The following KBTBD3 variants were observed in gnomAD, a reference collection of about 807,000 sequenced individuals.
KBTBD3 encodes kelch repeat and BTB domain containing 3.
KBTBD3 carries 38 observed loss-of-function variants against 49.6 expected under a neutral mutation model. That is an observed-to-expected ratio of 0.77 (90% CI 0.59 to 1.00). The LOEUF is 1.00. Among genes scored for constraint, KBTBD3 ranks in the 50% least tolerant of loss-of-function variants. The pLI is 0.00. For missense variants in KBTBD3, 661 were observed against 712.0 expected, an observed-to-expected ratio of 0.93 and a Z score of 0.81; for synonymous variants, 214 against 250.4, an observed-to-expected ratio of 0.85 and a Z score of 1.37.
chr11:106,061,476 C>T lies in KBTBD3; in HGVS notation c.-12-2367G>A, dbSNP rs147239429. ...CAGAGTGCCCACATTTTTGGTTAAA[C>T]ATTACTTCTGGGTATGTCTGTGAGA... is the stretch of plus-strand genomic sequence containing the variant. On this transcript the variant is annotated intron_variant, in intron 2 of 3. Coordinates refer to ENST00000531837, the MANE Select transcript of KBTBD3 (RefSeq NM_198439.3). Among the ~76,000 whole-genome samples the T allele has an allele frequency of 3.0e-3, 459 of 152,324 alleles. 1 individual carries two copies. The highest frequency in any genetic ancestry group is 0.01 in the African/African-American group (436 of 41,560).
chr11:106,064,571 T>A (rs965867055), intron 2 of KBTBD3, among the ~76,000 whole-genome samples: 3 of 36,448 alleles, frequency 8.2e-5, no homozygotes, highest in Non-Finnish European at 1.6e-4. Flanking sequence ...ATAAAAGGAA[T>A]AGCCAGGAAG....
At position 106,052,835 on chromosome 11, in the gene KBTBD3, C is replaced by T; in HGVS notation, c.*15G>A. On this transcript the variant is annotated 3_prime_UTR_variant, in exon 4 of 4. Transcript: ENST00000531837. ...TTTACTTTAGGTTACTAGAACTGGA[C>T]TCGTTTTAGAATGTTCAAGCACATA... is the stretch of plus-strand genomic sequence containing the variant. 1 of 1,584,420 alleles carries T rather than the reference C, an allele frequency of 6.3e-7. No individual in the cohort carries two copies. The highest frequency in any genetic ancestry group is 1.2e-5 in the South Asian group (1 of 86,490).
At chr11:106,059,439 G>T (rs550061630) in intron 2 of KBTBD3, among the ~76,000 whole-genome samples, 2 of 152,248 alleles carry the variant, frequency 1.3e-5, no homozygotes, top group African/African-American at 4.8e-5. Context: ...CTATACATAA[G>T]AGGTATTATT....
At chr11:106,074,165 C>A (rs983430353) in intron 2 of KBTBD3, among the ~76,000 whole-genome samples, 2 of 150,908 alleles carry the variant, frequency 1.3e-5, no homozygotes, top group Non-Finnish European at 2.9e-5. Flanking sequence ...GCTTCTCCCA[C>A]CCTACTAGAC....
chr11:106,065,332 T>C (rs1412866203), intron 2 of KBTBD3, among the ~76,000 whole-genome samples: 1 of 152,170 alleles, frequency 6.6e-6, no homozygotes, highest in African/African-American at 2.4e-5. Context: ...ATGATCGATA[T>C]GTACACATGT....
chr11:106,061,408 G>A (rs559979764), intron 2 of KBTBD3, among the ~76,000 whole-genome samples: 2 of 152,294 alleles, frequency 1.3e-5, no homozygotes, highest in East Asian at 3.9e-4. Flanking sequence ...CATTTAAGTG[G>A]TCAGTCATAT....
At chr11:106,064,394 A>G (rs1207488844) in intron 2 of KBTBD3, among the ~76,000 whole-genome samples, 3 of 151,804 alleles carry the variant, frequency 2.0e-5, no homozygotes, top group Non-Finnish European at 4.4e-5. Context: ...AAAATACAAA[A>G]ATTAGCCGGG....
chr11:106,058,360 G>T (rs562064470), intron 3 of KBTBD3, among the ~76,000 whole-genome samples: 5 of 148,658 alleles, frequency 3.4e-5, no homozygotes, highest in Non-Finnish European at 7.4e-5. Flanking sequence ...CAGCCTGGGC[G>T]ACAGAGCGAG....
Position 106,053,091 on chromosome 11 carries a change from C to A in KBTBD3, c.1598G>T (p.Gly533Val). 1 of 1,613,744 alleles carries A rather than the reference C, an allele frequency of 6.2e-7. No homozygotes were observed. Among genetic ancestry groups the A allele is most frequent in the Non-Finnish European group, 8.5e-7 (1 of 1,179,812 alleles). Residue 533 changes from glycine (G) to valine (V), a missense_variant, in exon 4 of 4, where the codon GGC becomes GTC. Transcript: ENST00000531837. ...GCCTGCACACTCAAAAGATCCTTCGCCTTTCCAAACACAAGTGTCTGGACA... is the reference window on the plus strand; with the variant it reads ...GCCTGCACACTCAAAAGATCCTTCGACTTTCCAAACACAAGTGTCTGGACA... ...SFCPDTCVWK[G>V]EGSFECAGFN...
chr11:106,060,361 C>T (rs183588743), intron 2 of KBTBD3, among the ~76,000 whole-genome samples: 2 of 151,712 alleles, frequency 1.3e-5, no homozygotes, highest in South Asian at 4.2e-4. Flanking sequence ...AAAAAAGTTT[C>T]TTGAGAAGGG....
At chr11:106,076,051 T>C (rs1861022281) in intron 2 of KBTBD3, 1 of 152,226 alleles carries the variant, frequency 6.6e-6, no homozygotes. Context: ...AGAAACGTAA[T>C]GTATCAAAGT....
rs1272720050 is a variant in KBTBD3 at position 106,053,363 on chromosome 11, T to G, written c.1326A>C (p.Arg442Ser). ...TGCTTGCTTCTGGATAGTATATGCC[T>G]CTGGGTAATGGGCTAACAGATATCC... Reference protein sequence around the residue: ...KEWISVSPLPRGIYYPEASTC... With the variant: ...KEWISVSPLPSGIYYPEASTC... Residue 442 changes from arginine (R) to serine (S), a missense_variant, in exon 4 of 4, where the codon AGA becomes AGC. Physicochemically the swap from Arg to Ser is moderately radical, Grantham distance 110. Transcript: ENST00000531837. The G allele has an allele frequency of 6.2e-7, 1 of 1,613,192 alleles. No individual in the cohort carries two copies. The highest frequency in any genetic ancestry group is 8.5e-7 in the Non-Finnish European group (1 of 1,179,822).
intron 2 of KBTBD3, among the ~76,000 whole-genome samples, chr11:106,073,258 CT>C (rs374062847): frequency 0.09 from 10,195 of 112,948 alleles, 433 homozygotes; most frequent in Middle Eastern, 0.2. Flanking sequence ...GCACACTCAG[CT>C]TTTTTTTTTT....
At position 106,051,189 on chromosome 11, in the gene KBTBD3, C is replaced by G. The variant is rs1860410273; in HGVS notation, c.*1661G>C. Reference sequence around the variant, plus strand: ...AGTAAATGCACATATAGGCTACTCACTGTGTTATGGTCTTTCTCAAATAAT... The same window carrying G: ...AGTAAATGCACATATAGGCTACTCAGTGTGTTATGGTCTTTCTCAAATAAT... On this transcript the variant is annotated 3_prime_UTR_variant, in exon 4 of 4. Coordinates refer to ENST00000531837, the MANE Select transcript of KBTBD3 (RefSeq NM_198439.3). 1 of 151,866 alleles carries G rather than the reference C, an allele frequency of 6.6e-6. No individual in the cohort carries two copies. The highest frequency in any genetic ancestry group is 2.4e-5 in the African/African-American group (1 of 41,388). The allele number at this position is 151,866 out of a possible 1,614,324, so 9.4% of individuals were successfully genotyped here.
At chr11:106,057,761 T>A in intron 3 of KBTBD3, 1 of 308,006 alleles carries the variant, frequency 3.2e-6, no homozygotes, top group Non-Finnish European at 5.9e-6. Flanking sequence ...TTCCCTAATA[T>A]AAGGAGAGGA....
rs750378553 is a variant in KBTBD3 at position 106,053,158 on chromosome 11, G to A, written c.1531C>T (p.Leu511=). 1 of 1,613,332 alleles carries A rather than the reference G, an allele frequency of 6.2e-7. No homozygotes were observed. The highest frequency in any genetic ancestry group is 2.2e-5 in the East Asian group (1 of 44,860). ...TAGGTGGAAAGGTCACATATATACA[G>A]TGTACAGTTTACTGGTACAGCTTTA... ...LIKAVPVNCT[L]YICDLSTYKV... is the part of the protein sequence containing the mutation. The change falls in exon 4 of 4, where the codon CTG becomes TTG. Residue 511 remains leucine (L), a synonymous_variant. Coordinates refer to ENST00000531837, the MANE Select transcript of KBTBD3 (RefSeq NM_198439.3).
intron 2 of KBTBD3, among the ~76,000 whole-genome samples, chr11:106,064,773 C>T (rs1440169083): frequency 6.6e-6 from 1 of 152,028 alleles, no homozygotes; most frequent in East Asian, 1.9e-4. Flanking sequence ...GCATCCATAA[C>T]CTATAATAGT....
At chr11:106,074,201 G>C (rs1860986386) in intron 2 of KBTBD3, among the ~76,000 whole-genome samples, 1 of 148,870 alleles carries the variant, frequency 6.7e-6, no homozygotes, top group Non-Finnish European at 1.5e-5. Context: ...GCAAATTCTA[G>C]TATCTTCCAT....
intron 2 of KBTBD3, among the ~76,000 whole-genome samples, chr11:106,070,489 A>C (rs1860897386): frequency 6.6e-6 from 1 of 152,112 alleles, no homozygotes. Context: ...TAAGCACATG[A>C]AAAGATGTTC....
Sources: allele counts gnomAD v4.1 joint callset (sites outside exome capture counted in the v4.1 genomes callset), GRCh38; gene constraint gnomAD v4.1.1; transcripts MANE v1.5; gene names NCBI Gene and HGNC (gene_info 2026-07-23, HGNC 2026-07-21).